The following DOCK4 variants were observed in gnomAD, a reference collection of about 807,000 sequenced individuals.
The protein encoded by DOCK4 is dedicator of cytokinesis protein 4.
In DOCK4, 97 loss-of-function variants were observed where a neutral mutation model predicts 268.1. The ratio of observed to expected loss-of-function variants is 0.36; its 90% confidence interval spans 0.31 to 0.43. The LOEUF (loss-of-function observed/expected upper bound fraction) is 0.43. Among genes scored for constraint, DOCK4 ranks in the 20% least tolerant of loss-of-function variants. The pLI is 1.00. For synonymous variants in DOCK4, 954 were observed against 887.2 expected (o/e 1.08, Z -1.34); for missense variants, 2,145 against 2,455.7 (o/e 0.87, Z 2.67).
intron 1 of DOCK4, among the ~76,000 whole-genome samples, chr7:112,126,579 G>C (rs1029684971): frequency 5.3e-5 from 8 of 152,146 alleles, no homozygotes; most frequent in African/African-American, 1.9e-4. Context: ...AAACTAAAAA[G>C]CTTCTGCACA....
rs1210971817 is a variant in DOCK4 at position 111,933,279 on chromosome 7, C to CGTATAT, written c.1066+2260_1066+2261insATATAC. Among the ~76,000 whole-genome samples the CGTATAT allele has an allele frequency of 8.4e-4, 77 of 91,168 alleles. 2 individuals are homozygous for CGTATAT. The highest frequency in any genetic ancestry group is 3.1e-3 in the African/African-American group (60 of 19,400). The allele number at this position is 91,168 out of a possible 152,430, so 59.8% of individuals were successfully genotyped here. A position where few individuals can be genotyped will look rare whatever the true frequency, so the allele number is the denominator to read the frequency against. ...ATACTTATATATATATACATATATA[C>CGTATAT]ATATATATATATATATATATTTTTT... is the stretch of plus-strand genomic sequence containing the variant. On this transcript the variant is annotated intron_variant, in intron 12 of 52. Transcript: ENST00000428084.
chr7:112,085,052 A>G (rs1395957131), intron 1 of DOCK4, among the ~76,000 whole-genome samples: 1 of 152,122 alleles, frequency 6.6e-6, no homozygotes, highest in Non-Finnish European at 1.5e-5. Context: ...ATCCCATTCT[A>G]TGAGAAAATT....
At chr7:111,897,591 T>C (rs1562859642) in intron 15 of DOCK4, among the ~76,000 whole-genome samples, 1 of 152,134 alleles carries the variant, frequency 6.6e-6, no homozygotes, top group Non-Finnish European at 1.5e-5. Flanking sequence ...CACTCAGTGA[T>C]GTCATGTTGG....
intron 1 of DOCK4, among the ~76,000 whole-genome samples, chr7:112,137,535 G>A (rs766839901): frequency 1.3e-5 from 2 of 152,148 alleles, no homozygotes; most frequent in Non-Finnish European, 2.9e-5. Context: ...ATCAGAGGGA[G>A]GCTTACCATC....
At chr7:111,829,968 C>A (rs913079013) in intron 26 of DOCK4, among the ~76,000 whole-genome samples, 11 of 152,168 alleles carry the variant, frequency 7.2e-5, no homozygotes, top group Non-Finnish European at 1.3e-4. Context: ...ATTATGAAAT[C>A]ATAAAAATTC....
intron 27 of DOCK4, among the ~76,000 whole-genome samples, chr7:111,818,748 T>G (rs548699497): frequency 2.0e-5 from 3 of 152,320 alleles, no homozygotes; most frequent in Admixed American, 6.5e-5. Flanking sequence ...TCAGCCACAC[T>G]AACAGTCTTT....
chr7:111,841,572 CTT>C (rs886358685), intron 25 of DOCK4, among the ~76,000 whole-genome samples: 1 of 151,308 alleles, frequency 6.6e-6, no homozygotes, highest in African/African-American at 2.4e-5. Context: ...TCTGAGTACT[CTT>C]AAAAAAAAAA....
intron 1 of DOCK4, among the ~76,000 whole-genome samples, chr7:112,017,982 C>T (rs1166302328): frequency 6.6e-6 from 1 of 151,428 alleles, no homozygotes; most frequent in Non-Finnish European, 1.5e-5. Flanking sequence ...GTCAGGAGAG[C>T]GAGACCATCC....
intron 1 of DOCK4, among the ~76,000 whole-genome samples, chr7:112,086,212 C>A (rs1012057292): frequency 6.6e-6 from 1 of 152,026 alleles, no homozygotes; most frequent in African/African-American, 2.4e-5. Flanking sequence ...TCTTTGTACA[C>A]CTTTGTGTAC....
chr7:111,822,408 C>T lies in DOCK4; in HGVS notation c.2884G>A (p.Glu962Lys). 1 of 1,613,588 alleles carries T rather than the reference C, an allele frequency of 6.2e-7. No homozygotes were observed. The highest frequency in any genetic ancestry group is 8.5e-7 in the Non-Finnish European group (1 of 1,179,748). Residue 962 changes from glutamate (E) to lysine (K), a missense_variant, in exon 27 of 53, where the codon GAG (glutamate) becomes AAG (lysine). By Grantham distance (56) the Glu-to-Lys change is moderately conservative. Coordinates refer to ENST00000428084, the MANE Select transcript of DOCK4 (RefSeq NM_001363540.2). ...FTVFRILIRP[E>K]MFPKDWTVMR... ...ACAGTCCAGTCCTTTGGAAACATCTCCGGGCGTATCAATATTCGGAACACA... is the reference window on the plus strand; with the variant it reads ...ACAGTCCAGTCCTTTGGAAACATCTTCGGGCGTATCAATATTCGGAACACA...
intron 39 of DOCK4, among the ~76,000 whole-genome samples, chr7:111,763,751 A>G (rs1797599289): frequency 6.6e-6 from 1 of 152,018 alleles, no homozygotes; most frequent in Non-Finnish European, 1.5e-5. Flanking sequence ...TCTGCTCAGA[A>G]CCTGGATCCA....
rs1799359194 is a variant in DOCK4 at position 111,789,024 on chromosome 7, T to G, written c.3316-277A>C. 4 of 463,304 alleles carry G rather than the reference T, an allele frequency of 8.6e-6. No individual in the cohort carries two copies. The South Asian group carries it at 9.2e-5, about 11-fold the overall frequency. The allele number at this position is 463,304 out of a possible 1,614,324, so 28.7% of individuals were successfully genotyped here. On this transcript the variant is annotated intron_variant, in intron 31 of 52. Coordinates refer to ENST00000428084, the MANE Select transcript of DOCK4 (RefSeq NM_001363540.2). Reference sequence around the variant, plus strand: ...AAACACAAATGCTTGCAGCCCAGTTTAAACGTTTGAATTCTTTTTTAGGAG... The same window carrying G: ...AAACACAAATGCTTGCAGCCCAGTTGAAACGTTTGAATTCTTTTTTAGGAG...
intron 1 of DOCK4, among the ~76,000 whole-genome samples, chr7:112,097,248 G>C (rs1349264151): frequency 1.3e-5 from 2 of 152,184 alleles, no homozygotes; most frequent in Non-Finnish European, 2.9e-5. Flanking sequence ...ACATATGAAA[G>C]TTTAAAACTT....
intron 42 of DOCK4, among the ~76,000 whole-genome samples, chr7:111,754,989 A>G (rs918550068): frequency 6.6e-6 from 1 of 152,228 alleles, no homozygotes; most frequent in African/African-American, 2.4e-5. Flanking sequence ...TAAGAAACCT[A>G]CTGCTAGAAG....
chr7:111,843,565 G>A (rs6975811), intron 25 of DOCK4, among the ~76,000 whole-genome samples: 42,090 of 151,906 alleles, frequency 0.28, 6,917 homozygotes, highest in African/African-American at 0.46. Context: ...AAAAAAACGG[G>A]TAACACCAAA....
chr7:111,750,928 G>A (rs1430097789), intron 42 of DOCK4, among the ~76,000 whole-genome samples: 2 of 151,892 alleles, frequency 1.3e-5, no homozygotes, highest in Non-Finnish European at 2.9e-5. Flanking sequence ...AGTCGCTTTT[G>A]TAGAATACAG....
intron 36 of DOCK4, among the ~76,000 whole-genome samples, chr7:111,770,411 T>G (rs1187934333): frequency 1.3e-5 from 2 of 152,082 alleles, no homozygotes; most frequent in South Asian, 4.2e-4. Context: ...ACAAATCTTC[T>G]GTAAAGAATA....
intron 42 of DOCK4, 53 bp downstream of exon 42, chr7:111,755,462 C>T: frequency 6.4e-7 from 1 of 1,556,930 alleles, no homozygotes; most frequent in African/African-American, 1.4e-5. Context: ...CGGCACAACT[C>T]CAAGTGAACA....
chr7:112,095,714 A>G (rs1810060289), intron 1 of DOCK4, among the ~76,000 whole-genome samples: 1 of 152,054 alleles, frequency 6.6e-6, no homozygotes, highest in South Asian at 2.1e-4. Flanking sequence ...AATCCCCTTA[A>G]GAAAATTGAA....
Sources: gnomAD v4.1 joint callset for allele counts (sites outside exome capture counted in the v4.1 genomes callset) on GRCh38, gnomAD v4.1.1 for gene constraint, MANE v1.5 for transcripts, NCBI Gene and HGNC (gene_info 2026-07-23, HGNC 2026-07-21) for gene names.